Variants in THSD7A observed in about 807,000 individuals in gnomAD.
The protein encoded by THSD7A is thrombospondin type-1 domain-containing protein 7A.
A neutral mutation model predicts 231.3 loss-of-function variants in THSD7A; 96 were observed. The observed-to-expected ratio is 0.41, with a 90% CI of 0.35 to 0.49. The LOEUF (loss-of-function observed/expected upper bound fraction) is 0.49. Among genes scored for constraint, THSD7A ranks in the 20% least tolerant of loss-of-function variants. The probability of loss-of-function intolerance (pLI) is 0.05; values close to 1 mark genes in which losing one functional copy is unlikely to be tolerated. For missense variants in THSD7A, 2,290 were observed against 2,070.2 expected (o/e 1.11, Z -2.06); for synonymous variants, 940 against 743.3 (o/e 1.26, Z -4.30).
intron 23 of THSD7A, among the ~76,000 whole-genome samples, chr7:11,386,582 T>TTAAG (rs776381559): frequency 1.3e-5 from 2 of 152,244 alleles, no homozygotes; most frequent in Non-Finnish European, 2.9e-5. Context: ...GCAAATTTGT[T>TTAAG]TAAGTTCTTT....
At position 11,814,952 on chromosome 7, in the gene THSD7A, C is replaced by T. The variant is rs1448037707; in HGVS notation, c.190+16805G>A. Among the ~76,000 whole-genome samples, 1 of 151,954 alleles carries T rather than the reference C, an allele frequency of 6.6e-6. No individual in the cohort carries two copies. The highest frequency in any genetic ancestry group is 1.5e-5 in the Non-Finnish European group (1 of 68,004). On this transcript the variant is annotated intron_variant, in intron 1 of 27. Coordinates refer to ENST00000423059, the MANE Select transcript of THSD7A (RefSeq NM_015204.3). The surrounding 1 kb of genome is among the most constrained non-coding windows in gnomAD (Gnocchi z 5.1). Reference sequence around the variant, plus strand: ...TGATTACTCCTCTCTCCACAGGGCCCATGAACTAATGGGAACAAATGAAGC... The same window carrying T: ...TGATTACTCCTCTCTCCACAGGGCCTATGAACTAATGGGAACAAATGAAGC...
At chr7:11,495,046 G>A (rs1787043918) in intron 6 of THSD7A, among the ~76,000 whole-genome samples, 1 of 151,986 alleles carries the variant, frequency 6.6e-6, no homozygotes, top group Non-Finnish European at 1.5e-5. Context: ...TCTGTGCAGT[G>A]TAATTGTTTT....
intron 6 of THSD7A, among the ~76,000 whole-genome samples, chr7:11,523,277 CT>C (rs1278658942): frequency 1.3e-5 from 2 of 152,052 alleles, no homozygotes; most frequent in African/African-American, 4.8e-5. Flanking sequence ...AATATGAAGA[CT>C]TTTGCTTTTT....
intron 16 of THSD7A, among the ~76,000 whole-genome samples, chr7:11,422,067 T>C (rs1051247721): frequency 6.6e-6 from 1 of 152,186 alleles, no homozygotes; most frequent in Admixed American, 6.5e-5. Context: ...ATACACGGTG[T>C]AGAACCAAGT....
chr7:11,462,812 T>C (rs368389734), intron 9 of THSD7A, among the ~76,000 whole-genome samples: 1 of 152,132 alleles, frequency 6.6e-6, no homozygotes, highest in Non-Finnish European at 1.5e-5. Flanking sequence ...CTCTAAAGTA[T>C]GTTAAAAATG....
intron 11 of THSD7A, among the ~76,000 whole-genome samples, chr7:11,458,360 C>T (rs1311551087): frequency 6.6e-6 from 1 of 152,026 alleles, no homozygotes; most frequent in Non-Finnish European, 1.5e-5. Context: ...TAAGATTCTC[C>T]ACTTCATGTT....
chr7:11,593,001 C>T (rs537365299), intron 3 of THSD7A, among the ~76,000 whole-genome samples: 16 of 152,068 alleles, frequency 1.1e-4, no homozygotes, highest in Non-Finnish European at 2.4e-4. Flanking sequence ...AACTATCTAC[C>T]CCTTTACAGA....
At chr7:11,412,336 A>G in intron 18 of THSD7A, among the ~76,000 whole-genome samples, 1 of 152,178 alleles carries the variant, frequency 6.6e-6, no homozygotes, top group East Asian at 1.9e-4. Flanking sequence ...TTTTTGAATA[A>G]ATCTGATACC....
At chr7:11,580,409 A>G (rs1413004066) in intron 4 of THSD7A, among the ~76,000 whole-genome samples, 3 of 152,108 alleles carry the variant, frequency 2.0e-5, no homozygotes, top group African/African-American at 7.2e-5. Flanking sequence ...CATACAAGTC[A>G]CCCTATGTCA....
chr7:11,768,766 G>T (rs1293024200), intron 1 of THSD7A, among the ~76,000 whole-genome samples: 1 of 151,964 alleles, frequency 6.6e-6, no homozygotes, highest in Non-Finnish European at 1.5e-5. Context: ...TATATAAAAT[G>T]CATTGTTTTT....
chr7:11,738,120 C>A (rs1534234), intron 1 of THSD7A, among the ~76,000 whole-genome samples: 28,860 of 151,902 alleles, frequency 0.19, 3,540 homozygotes, highest in African/African-American at 0.34. Flanking sequence ...TCTATGTTCA[C>A]TTAATCATTA....
At chr7:11,387,409 C>CCTTGAAGAAGGA (rs1782793203) in intron 23 of THSD7A, among the ~76,000 whole-genome samples, 1 of 152,076 alleles carries the variant, frequency 6.6e-6, no homozygotes, top group Non-Finnish European at 1.5e-5. Context: ...TTGTAGTTCT[C>CCTTGAAGAAGGA]CTTGAAGAGG....
At chr7:11,662,073 T>C (rs890935185) in intron 1 of THSD7A, among the ~76,000 whole-genome samples, 6 of 149,262 alleles carry the variant, frequency 4.0e-5, no homozygotes, top group African/African-American at 1.5e-4. Context: ...CATAGAAGAG[T>C]TGGAAAAAAT....
At chr7:11,557,163 A>G (rs1789880626) in intron 4 of THSD7A, among the ~76,000 whole-genome samples, 1 of 151,406 alleles carries the variant, frequency 6.6e-6, no homozygotes, top group African/African-American at 2.4e-5. Flanking sequence ...TTCTTCCCTC[A>G]TATTTTTTTC....
rs534647543 is a variant in THSD7A, at chr7:11,540,766, A to G, written c.1822+653T>C. On this transcript the variant is annotated intron_variant, in intron 6 of 27. Coordinates refer to ENST00000423059, the MANE Select transcript of THSD7A (RefSeq NM_015204.3). ...ATATCAGAGCTAACATCAAGACAGT[A>G]TATTTTATCAAACAAATATTAGTTG... 7.9e-5 allele frequency among the ~76,000 whole-genome samples: 12 copies of G among 152,358 alleles called. No individual in the cohort carries two copies. The East Asian group carries it at 2.3e-3, about 29-fold the overall frequency.
chr7:11,590,638 A>T lies in THSD7A; in HGVS notation c.1275T>A (p.Tyr425Ter). The T allele has an allele frequency of 1.2e-6, 2 of 1,601,892 alleles. No individual in the cohort carries two copies. Among genetic ancestry groups the T allele is most frequent in the Non-Finnish European group, 1.7e-6 (2 of 1,174,382 alleles). The change falls in exon 4 of 28, where the codon TAT becomes TAA. Residue 425 changes from tyrosine to a stop codon, truncating the protein, a stop_gained. Coordinates refer to ENST00000423059, the MANE Select transcript of THSD7A (RefSeq NM_015204.3). LOFTEE classifies it high-confidence loss of function. This position sits in a 1 kb window ranked among gnomAD's most constrained non-coding sequence, Gnocchi z 4.4. ...CAGTCCACTCTGTAGTTCTCCAGCC[A>T]TACCTAAATAAAGACAACACCACCA... is the stretch of plus-strand genomic sequence containing the variant. ...QGDGVVPCATYGWRTTEWTEC... is the reference protein window; with the variant it reads ...QGDGVVPCAT
chr7:11,418,358 C>A (rs1043535242), intron 16 of THSD7A, among the ~76,000 whole-genome samples: 2 of 152,124 alleles, frequency 1.3e-5, no homozygotes, highest in Admixed American at 6.5e-5. Flanking sequence ...CCTTATTCAT[C>A]TTTTGGGAGT....
chr7:11,589,954 C>G (rs1450077633), intron 4 of THSD7A, among the ~76,000 whole-genome samples: 3 of 152,028 alleles, frequency 2.0e-5, no homozygotes, highest in Non-Finnish European at 4.4e-5. Context: ...TAAAAAATGC[C>G]TTTGGGTTAA....
chr7:11,631,880 C>T (rs537280661), intron 2 of THSD7A, among the ~76,000 whole-genome samples: 1 of 152,200 alleles, frequency 6.6e-6, no homozygotes, highest in East Asian at 1.9e-4. Flanking sequence ...GACCAATGGC[C>T]TCCTGTAAAT....
Sources: gnomAD v4.1 joint callset for allele counts (sites outside exome capture counted in the v4.1 genomes callset) on GRCh38, gnomAD v4.1.1 for gene constraint, Gnocchi (gnomAD v3.1) non-coding constraint, MANE v1.5 for transcripts, NCBI Gene and HGNC (gene_info 2026-07-23, HGNC 2026-07-21) for gene names.